The following PADI6 variants were observed in gnomAD, a reference collection of about 807,000 sequenced individuals.
PADI6 encodes the protein peptidyl arginine deiminase 6.
PADI6 carries 66 observed loss-of-function variants against 78.2 expected under a neutral mutation model. That is an observed-to-expected ratio of 0.84 (90% confidence interval 0.69 to 1.04). PADI6 has a LOEUF of 1.04. Among genes scored for constraint, PADI6 ranks in the 50% least tolerant of loss-of-function variants. The pLI, the probability that PADI6 is intolerant of heterozygous loss-of-function variation, is 0.00. For synonymous variants in PADI6, 397 were observed against 346.9 expected, an observed-to-expected ratio of 1.14 and a Z score of -1.60; for missense variants, 854 against 866.1, an observed-to-expected ratio of 0.99 and a Z score of 0.18.
intron 6 of PADI6, among the ~76,000 whole-genome samples, chr1:17,384,934 A>G (rs547914947): frequency 9.2e-5 from 14 of 152,372 alleles, no homozygotes; most frequent in African/African-American, 3.4e-4. Context: ...AGGGGCCAGC[A>G]CGCAGTCGAG....
At chr1:17,393,628 C>G (rs140897856) in intron 9 of PADI6, among the ~76,000 whole-genome samples, 3 of 152,134 alleles carry the variant, frequency 2.0e-5, no homozygotes, top group Non-Finnish European at 2.9e-5. Context: ...CATGAGCCAC[C>G]ATGCCTGGCT....
At chr1:17,394,660 A>T (rs895800825) in intron 11 of PADI6, among the ~76,000 whole-genome samples, 10 of 152,200 alleles carry the variant, frequency 6.6e-5, no homozygotes, top group African/African-American at 2.2e-4. Context: ...AACTGAAACA[A>T]GTGAAATTTG....
At chr1:17,373,493 AT>A (rs1319032692) in intron 2 of PADI6, among the ~76,000 whole-genome samples, 397 of 127,868 alleles carry the variant, frequency 3.1e-3, no homozygotes, top group African/African-American at 0.011. Context: ...ATTTTCATTT[AT>A]TTATTATTAT....
At chr1:17,372,989 T>G in intron 1 of PADI6, 67 bp from the exon 2 acceptor site, 2 of 1,514,996 alleles carry the variant, frequency 1.3e-6, no homozygotes, top group Non-Finnish European at 1.8e-6. Context: ...CCCTCCCCCA[T>G]GCCAGTCATC....
chr1:17,383,369 C>G (rs927453865), intron 6 of PADI6, among the ~76,000 whole-genome samples: 1 of 152,136 alleles, frequency 6.6e-6, no homozygotes, highest in Non-Finnish European at 1.5e-5. Flanking sequence ...TAGAGTGAGC[C>G]GAAGAAACCC....
At chr1:17,394,549 A>G (rs1216322055) in intron 11 of PADI6, 95 bp downstream of exon 11, 4 of 1,316,326 alleles carry the variant, frequency 3.0e-6, no homozygotes, top group Non-Finnish European at 4.2e-6. Flanking sequence ...AGCAGGTCAC[A>G]CACACTGGAC....
At chr1:17,400,087 A>G (rs2075286352) in intron 15 of PADI6, among the ~76,000 whole-genome samples, 1 of 151,952 alleles carries the variant, frequency 6.6e-6, no homozygotes, top group African/African-American at 2.4e-5. Flanking sequence ...ACATGCCTGT[A>G]GTCTCAGCCA....
intron 8 of PADI6, among the ~76,000 whole-genome samples, chr1:17,390,428 C>A (rs905612345): frequency 1.3e-5 from 2 of 151,936 alleles, no homozygotes; most frequent in African/African-American, 4.8e-5. Context: ...GGTAAAACCC[C>A]GTCTCTACTA....
Position 17,401,204 on chromosome 1 carries a change from G to T in PADI6, c.1852-1G>T. The T allele has an allele frequency of 6.2e-7, 1 of 1,613,816 alleles. No individual in the cohort carries two copies. The highest frequency in any genetic ancestry group is 8.5e-7 in the Non-Finnish European group (1 of 1,179,754). ...CCTCACCCACCCTGTCTTTCTAACA[G>T]TTGCGGATGATTGTGATGGGCAAGA... On this transcript the variant is annotated splice_acceptor_variant, in intron 15 of 15. Transcript: ENST00000619609. LOFTEE classifies it high-confidence loss of function.
In PADI6 at chr1:17,392,152, AGCTGAGTGAGAAGAG is replaced by A. The variant is rs1163661591; in HGVS notation, c.1002_1016del (p.Lys334_Ser339delinsAsn). 7.7e-6 allele frequency: 12 copies of A among 1,561,494 alleles called. No individual in the cohort carries two copies. Among genetic ancestry groups the A allele is most frequent in the Admixed American group, 1.9e-5 (1 of 52,042 alleles). On this transcript the variant is annotated inframe_deletion, in exon 9 of 16. Coordinates refer to ENST00000619609, the MANE Select transcript of PADI6 (RefSeq NM_207421.4). The stretch of plus-strand genomic sequence containing the variant: ...CAGGGTTTTGTGGACACAGTGACGA[AGCTGAGTGAGAAGAG>A]CAACAGCCAGGTGGCATCTGTCTAT...
chr1:17,397,027 G>A, intron 13 of PADI6, 44 bp from the exon 14 acceptor site: 1 of 1,593,106 alleles, frequency 6.3e-7, no homozygotes, highest in Non-Finnish European at 8.6e-7. Flanking sequence ...GGGCAGTGCT[G>A]CCATTCCCTG....
intron 3 of PADI6, among the ~76,000 whole-genome samples, chr1:17,375,719 C>T (rs2075009642): frequency 6.6e-6 from 1 of 152,186 alleles, no homozygotes; most frequent in South Asian, 2.1e-4. Context: ...CGTGCACTGC[C>T]AACCTAATTC....
At chr1:17,389,048 C>T (rs1241640840) in intron 8 of PADI6, among the ~76,000 whole-genome samples, 168 bp downstream of exon 8, 1 of 152,182 alleles carries the variant, frequency 6.6e-6, no homozygotes, top group Non-Finnish European at 1.5e-5. Flanking sequence ...CAATACATGC[C>T]TGAATATTCC....
chr1:17,376,590 G>A (rs551650231), intron 3 of PADI6, among the ~76,000 whole-genome samples: 1 of 149,996 alleles, frequency 6.7e-6, no homozygotes, highest in East Asian at 2.0e-4. Flanking sequence ...AGTGGAGACG[G>A]GATTTCACTG....
In PADI6 at chr1:17,388,546, A is replaced by G; in HGVS notation, c.845A>G (p.Glu282Gly). 6.2e-7 allele frequency: 1 copy of G among 1,611,574 alleles called. No individual in the cohort carries two copies. The highest frequency in any genetic ancestry group is 8.5e-7 in the Non-Finnish European group (1 of 1,178,020). ...LISYSVSLVE[E>G]SQDPSIPETV... Reference sequence around the variant, plus strand: ...TCCTACTCTGTGTCCCTGGTGGAGGAGTCTCAAGACCCGGTATGTCCCCAT... The same window carrying G: ...TCCTACTCTGTGTCCCTGGTGGAGGGGTCTCAAGACCCGGTATGTCCCCAT... Residue 282 changes from glutamate (E) to glycine (G), a missense_variant, in exon 7 of 16, where the codon GAG becomes GGG. Physicochemically the swap from Glu to Gly is moderately conservative, Grantham distance 98 (BLOSUM62 -2). Coordinates refer to ENST00000619609, the MANE Select transcript of PADI6 (RefSeq NM_207421.4).
intron 1 of PADI6, 66 bp downstream of exon 1, chr1:17,372,427 C>T: frequency 5.5e-6 from 8 of 1,450,564 alleles, no homozygotes; most frequent in South Asian, 1.1e-5. Flanking sequence ...GACCCAGTCC[C>T]CTTGATCTGG....
chr1:17,394,752 C>T (rs985420064), intron 11 of PADI6, among the ~76,000 whole-genome samples, 199 bp from the exon 12 acceptor site: 1 of 152,132 alleles, frequency 6.6e-6, no homozygotes, highest in Non-Finnish European at 1.5e-5. Flanking sequence ...TGTGCCCGGG[C>T]TTGTCTGTCT....
chr1:17,388,672 A>C, intron 7 of PADI6, 105 bp from the exon 8 acceptor site: 1 of 1,454,408 alleles, frequency 6.9e-7, no homozygotes, highest in Non-Finnish European at 9.4e-7. Flanking sequence ...GCAGAAGGCA[A>C]GTGGGGCCCA....
rs2075067967 is a variant in PADI6 at position 17,381,086 on chromosome 1, C to T, written c.475C>T (p.Leu159=). Residue 159 remains leucine (L), a synonymous_variant, in exon 5 of 16, where the codon CTG becomes TTG. Transcript: ENST00000619609. ...IWGPSGWGAI[L]LVNCNPADVG... ...GGGTCCCAGCGGTTGGGGTGCCATC[C>T]TGCTTGTGAATTGCAACCCTGCTGA... The T allele has an allele frequency of 2.5e-6, 4 of 1,608,872 alleles. No individual in the cohort carries two copies. In the African/African-American group the frequency reaches 5.3e-5, roughly 21 times the overall value.
Sources: allele counts gnomAD v4.1 joint callset (sites outside exome capture counted in the v4.1 genomes callset), GRCh38; gene constraint gnomAD v4.1.1; transcripts MANE v1.5; gene names NCBI Gene and HGNC (gene_info 2026-07-23, HGNC 2026-07-21).